Variants in GATB observed in about 807,000 individuals in gnomAD.
GATB encodes the protein glutamyl-tRNA(Gln) amidotransferase subunit B, mitochondrial.
GATB carries 39 observed loss-of-function variants against 62.3 expected under a neutral mutation model. That is an observed-to-expected ratio of 0.63 (90% CI 0.48 to 0.82). The LOEUF (loss-of-function observed/expected upper bound fraction) is 0.82. Ranked by LOEUF, GATB falls within the 40% of genes least tolerant of loss-of-function variation. The pLI is 0.00. For synonymous variants in GATB, 276 were observed against 258.9 expected, an observed-to-expected ratio of 1.07 and a Z score of -0.63; for missense variants, 670 against 684.0, an observed-to-expected ratio of 0.98 and a Z score of 0.23.
chr4:151,676,923 G>A (rs960453032), intron 11 of GATB, among the ~76,000 whole-genome samples: 2 of 152,218 alleles, frequency 1.3e-5, no homozygotes, highest in Admixed American at 6.5e-5. Flanking sequence ...GGAAGTGGGT[G>A]AGAGACAGGC....
intron 2 of GATB, among the ~76,000 whole-genome samples, chr4:151,731,435 G>A (rs1433707515): frequency 2.6e-5 from 4 of 152,210 alleles, no homozygotes; most frequent in African/African-American, 9.6e-5. Flanking sequence ...TGCCCAGGCT[G>A]GAGTGCAGTG....
At chr4:151,696,201 A>G (rs1738467036) in intron 9 of GATB, among the ~76,000 whole-genome samples, 1 of 152,204 alleles carries the variant, frequency 6.6e-6, no homozygotes, top group Non-Finnish European at 1.5e-5. Flanking sequence ...TTCACTTGGA[A>G]AATAGACATG....
chr4:151,721,235 C>T (rs192987152), intron 2 of GATB: 2 of 152,070 alleles, frequency 1.3e-5, no homozygotes, highest in Admixed American at 1.3e-4. Context: ...GAGACTCCAT[C>T]TCAAAAAAAA....
chr4:151,697,750 C>G (rs1454881668), intron 9 of GATB, among the ~76,000 whole-genome samples: 2 of 148,298 alleles, frequency 1.3e-5, no homozygotes, highest in Non-Finnish European at 3.0e-5. Context: ...TATACATACA[C>G]ATGCACAAAA....
chr4:151,736,395 T>A (rs1298660079), intron 2 of GATB, among the ~76,000 whole-genome samples: 1 of 152,248 alleles, frequency 6.6e-6, no homozygotes. Context: ...CCCCCAAAGC[T>A]GTATGTGTGT....
chr4:151,750,427 C>G (rs1739698383), intron 2 of GATB, among the ~76,000 whole-genome samples: 1 of 148,172 alleles, frequency 6.7e-6, no homozygotes, highest in South Asian at 2.1e-4. Context: ...TGCTATGTGA[C>G]AATCCTTCCT....
chr4:151,679,547 T>C (rs2840130), intron 11 of GATB, among the ~76,000 whole-genome samples: 85,535 of 152,030 alleles, frequency 0.56, 25,397 homozygotes, highest in African/African-American at 0.77. Flanking sequence ...ACAGGAGACA[T>C]GTCAGGCGGA....
At chr4:151,758,711 T>C (rs1739888088) in intron 2 of GATB, 61 bp downstream of exon 2, 5 of 1,289,852 alleles carry the variant, frequency 3.9e-6, no homozygotes, top group African/African-American at 1.5e-5. Context: ...AAAATAATTT[T>C]CCATGTTCAA....
At chr4:151,693,723 C>A (rs1192261434) in intron 9 of GATB, among the ~76,000 whole-genome samples, 1 of 152,190 alleles carries the variant, frequency 6.6e-6, no homozygotes, top group Non-Finnish European at 1.5e-5. Flanking sequence ...CCCCTAAAAT[C>A]TGAGCAAAAC....
intron 11 of GATB, chr4:151,674,295 C>G (rs1483444882): frequency 6.6e-6 from 1 of 152,282 alleles, no homozygotes; most frequent in Non-Finnish European, 1.5e-5. Context: ...CTTCCTCACT[C>G]TCAACATGCT....
intron 3 of GATB, among the ~76,000 whole-genome samples, chr4:151,719,215 G>A (rs1738977053): frequency 6.6e-6 from 1 of 152,248 alleles, no homozygotes; most frequent in Non-Finnish European, 1.5e-5. Flanking sequence ...AGGTAAGCAA[G>A]AAGTCAGCAA....
At chr4:151,754,072 A>G (rs964798524) in intron 2 of GATB, among the ~76,000 whole-genome samples, 18 of 151,502 alleles carry the variant, frequency 1.2e-4, no homozygotes, top group African/African-American at 4.4e-4. Flanking sequence ...ATGTTCTTGT[A>G]CTCCCTCCTT....
intron 2 of GATB, among the ~76,000 whole-genome samples, chr4:151,742,988 A>G (rs963186386): frequency 6.6e-6 from 1 of 152,234 alleles, no homozygotes; most frequent in East Asian, 1.9e-4. Flanking sequence ...TATTTTCAAA[A>G]GGCTAGAGAA....
Position 151,758,842 on chromosome 4 carries a change from T to C in GATB, c.257A>G (p.Gln86Arg). 1 of 1,604,218 alleles carries C rather than the reference T, an allele frequency of 6.2e-7. No individual in the cohort carries two copies. Among genetic ancestry groups the C allele is most frequent in the Non-Finnish European group, 8.5e-7 (1 of 1,172,338 alleles). Residue 86 changes from glutamine (Q) to arginine (R), a missense_variant, in exon 2 of 13, where the codon CAA (glutamine) becomes CGA (arginine). Physicochemically the swap from Gln to Arg is conservative, Grantham distance 43. Coordinates refer to ENST00000263985, the MANE Select transcript of GATB (RefSeq NM_004564.3). Reference protein sequence around the residue: ...SSNSKLFSGSQVRFSAPPNSL... With the variant: ...SSNSKLFSGSRVRFSAPPNSL... ...ATTTGGAGGTGCTGAAAAGCGAACT[T>C]GAGATCCAGAGAAGAGTTTAGAGTT...
Position 151,730,205 on chromosome 4 carries a change from C to T in GATB, c.328-10667G>A, listed in dbSNP as rs1050786027. On this transcript the variant is annotated intron_variant, in intron 2 of 12. Transcript: ENST00000263985. This position sits in a 1 kb window ranked among gnomAD's most constrained non-coding sequence, Gnocchi z 4.1. ...GACTCAGCAGAGGCAGCCATAAATC[C>T]TCCTAGGCACACAACTCCAGTGACC... Among the ~76,000 whole-genome samples the T allele has an allele frequency of 6.6e-6, 1 of 152,158 alleles. No individual in the cohort carries two copies. Among genetic ancestry groups the T allele is most frequent in the Non-Finnish European group, 1.5e-5 (1 of 68,022 alleles).
chr4:151,718,827 G>GA (rs914901808), intron 3 of GATB, among the ~76,000 whole-genome samples: 4 of 152,110 alleles, frequency 2.6e-5, no homozygotes, highest in African/African-American at 7.2e-5. Flanking sequence ...GTGGCTTAAA[G>GA]AAAAAAACCT....
intron 10 of GATB, among the ~76,000 whole-genome samples, chr4:151,685,499 C>T (rs949746527): frequency 6.6e-6 from 1 of 152,184 alleles, no homozygotes; most frequent in African/African-American, 2.4e-5. Flanking sequence ...ACCTCTTGGC[C>T]TCTTTCCACC....
At chr4:151,739,596 T>C (rs1739445830) in intron 2 of GATB, among the ~76,000 whole-genome samples, 1 of 152,154 alleles carries the variant, frequency 6.6e-6, no homozygotes, top group African/African-American at 2.4e-5. Flanking sequence ...ACTTGCAGTA[T>C]AAACAAAGAA....
intron 2 of GATB, among the ~76,000 whole-genome samples, chr4:151,737,994 T>C (rs1739411164): frequency 6.6e-6 from 1 of 152,056 alleles, no homozygotes; most frequent in Non-Finnish European, 1.5e-5. Context: ...AGAAGGGAAA[T>C]GTGGAGTCAG....
Sources: allele counts gnomAD v4.1 joint callset (sites outside exome capture counted in the v4.1 genomes callset), GRCh38; gene constraint gnomAD v4.1.1; non-coding constraint Gnocchi (gnomAD v3.1); transcripts MANE v1.5; gene names NCBI Gene and HGNC (gene_info 2026-07-23, HGNC 2026-07-21).